HOXA2: variants seen among roughly 807,000 people sequenced by gnomAD.
HOXA2 encodes the protein homeobox A2.
HOXA2 carries 4 observed loss-of-function variants against 27.2 expected under a neutral mutation model. The observed-to-expected ratio is 0.15, with a 90% confidence interval of 0.07 to 0.34. The LOEUF (loss-of-function observed/expected upper bound fraction) is 0.34, where lower values mean the gene tolerates loss of function less well. HOXA2 is among the 10% of genes least tolerant of loss of function. The pLI is 1.00. For missense variants in HOXA2, 430 were observed against 473.2 expected (o/e 0.91, Z 0.85); for synonymous variants, 200 against 202.8 (o/e 0.99, Z 0.12).
rs150696747 is a variant in HOXA2 at position 27,101,051 on chromosome 7, G to A, written c.806C>T (p.Ser269Phe). Residue 269 changes from serine to phenylalanine, a missense_variant, in exon 2 of 2, where the codon TCC becomes TTC. This residue lies in a region of HOXA2 where 236 missense variants were observed against 208.5 expected (regional missense o/e 1.13). Transcript: ENST00000222718. ...TAAAGGCGAGACTGGGAAACTTTGG[G>A]AGTCGCCATTGTGTCCATTGGGAGC... The part of the protein sequence containing the change: ...QQAPNGHNGD[S>F]QSFPVSPLTS... The A allele has an allele frequency of 4.1e-4, 656 of 1,614,080 alleles. No individual in the cohort carries two copies. Among genetic ancestry groups the A allele is most frequent in the Non-Finnish European group, 5.2e-4 (608 of 1,180,048 alleles).
chr7:27,101,599 G>T, intron 1 of HOXA2, 134 bp from the exon 2 acceptor site: 1 of 1,017,234 alleles, frequency 9.8e-7, no homozygotes, highest in Non-Finnish European at 1.5e-6. Flanking sequence ...GGATGCAGTA[G>T]AGCTATTGTG....
chr7:27,101,252 G>T lies in HOXA2; in HGVS notation c.605C>A (p.Thr202Asn), dbSNP rs1783921533. Residue 202 changes from threonine to asparagine, a missense_variant, in exon 2 of 2, where the codon ACC (threonine) becomes AAC (asparagine). By Grantham distance (65) the Thr-to-Asn change is moderately conservative. Around this residue, in one of 4 missense-constraint regions of HOXA2, gnomAD observed 236 missense variants for 208.5 expected, o/e 1.13. Transcript: ENST00000222718. ...QNRRMKHKRQ[T>N]QCKENQNSEG... is the part of the protein sequence containing the mutation. The stretch of plus-strand genomic sequence containing the variant: ...GCTGTTTTGGTTTTCCTTGCACTGG[G>T]TCTGCCTCTTGTGCTTCATCCTCCG... 6.2e-7 allele frequency: 1 copy of T among 1,614,010 alleles called. No homozygotes were observed. Among genetic ancestry groups the T allele is most frequent in the Non-Finnish European group, 8.5e-7 (1 of 1,180,024 alleles).
chr7:27,101,521 G>C, intron 1 of HOXA2, 56 bp from the exon 2 acceptor site: 1 of 1,582,726 alleles, frequency 6.3e-7, no homozygotes, highest in South Asian at 1.1e-5. Flanking sequence ...GGAGGGGTCC[G>C]AGCGGGGTTA....
chr7:27,102,165 G>A lies in HOXA2; in HGVS notation c.336C>T (p.Ala112=), dbSNP rs1185633571. ...CTGCGGCGGTGGCGGCGGCGGCGGC[G>A]GCCGGCAGAAGTGCGGTTTTCTTGG... The part of the protein sequence containing the change: ...KAAKKTALLP[A]AAAAATAAAT... The change falls in exon 1 of 2, where the codon GCC becomes GCT. Residue 112 remains alanine (A), a synonymous_variant. Coordinates refer to ENST00000222718, the MANE Select transcript of HOXA2 (RefSeq NM_006735.4). The surrounding 1 kb of genome is among the most constrained non-coding windows in gnomAD (Gnocchi z 4.6). 1.3e-6 allele frequency: 2 copies of A among 1,573,730 alleles called. No individual in the cohort carries two copies. The highest frequency in any genetic ancestry group is 2.7e-5 in the African/African-American group (2 of 74,272).
rs527452480 is a variant in HOXA2, at chr7:27,102,555, TG to T, written c.-56del. ...AAAGTTCCCTCTTTTGGAGGGGCTT[TG>T]GGGGGGCAAGGCCTAGGAAAAAGGC... On this transcript the variant is annotated 5_prime_UTR_variant, in exon 1 of 2. It removes the in-frame stop codon of an upstream open reading frame in the 5' UTR. Transcript: ENST00000222718. The surrounding 1 kb of genome is among the most constrained non-coding windows in gnomAD (Gnocchi z 4.6). The T allele has an allele frequency of 3.4e-5, 54 of 1,576,666 alleles. No homozygotes were observed. The highest frequency in any genetic ancestry group is 1.8e-4 in the Middle Eastern group (1 of 5,560).
intron 1 of HOXA2, 78 bp from the exon 2 acceptor site, chr7:27,101,543 A>C: frequency 6.7e-7 from 1 of 1,496,846 alleles, no homozygotes; most frequent in Non-Finnish European, 9.2e-7. Context: ...TCCACTGGAG[A>C]ATAAATATAG....
rs751247463 is a variant in HOXA2, at chr7:27,100,685, G to A, written c.*41C>T. 15 of 1,611,808 alleles carry A rather than the reference G, an allele frequency of 9.3e-6. No individual in the cohort carries two copies. The highest frequency in any genetic ancestry group is 1.1e-5 in the Non-Finnish European group (13 of 1,178,528). ...AAGAAGGCAAAACCACCTGGTCAAA[G>A]GAGTTTTTGTTTGGTGATGCTTTGT... On this transcript the variant is annotated 3_prime_UTR_variant, in exon 2 of 2. Coordinates refer to ENST00000222718, the MANE Select transcript of HOXA2 (RefSeq NM_006735.4).
Position 27,102,583 on chromosome 7 carries a change from AGCGC to A in HOXA2, c.-87_-84del. The stretch of plus-strand genomic sequence containing the variant: ...GGGGGCAAGGCCTAGGAAAAAGGCG[AGCGC>A]AGAGGAAAAAAAATCTATCATAGAA... On this transcript the variant is annotated 5_prime_UTR_variant, in exon 1 of 2. The change creates a premature stop within an existing upstream ORF in the 5' untranslated region. Coordinates refer to ENST00000222718, the MANE Select transcript of HOXA2 (RefSeq NM_006735.4). This position sits in a 1 kb window ranked among gnomAD's most constrained non-coding sequence, Gnocchi z 4.6. 7.3e-7 allele frequency: 1 copy of A among 1,367,758 alleles called. No individual in the cohort carries two copies. Among genetic ancestry groups the A allele is most frequent in the Non-Finnish European group, 1.0e-6 (1 of 972,178 alleles). 84.7% of individuals were successfully genotyped at this position (1,367,758 alleles called of 1,614,324 possible).
At position 27,102,106 on chromosome 7, in the gene HOXA2, T is replaced by A; in HGVS notation, c.391+4A>T. 6.2e-7 allele frequency: 1 copy of A among 1,607,098 alleles called. No homozygotes were observed. The highest frequency in any genetic ancestry group is 8.5e-7 in the Non-Finnish European group (1 of 1,177,536). On this transcript the variant is annotated splice_donor_region_variant and intron_variant, in intron 1 of 1. Coordinates refer to ENST00000222718, the MANE Select transcript of HOXA2 (RefSeq NM_006735.4). This position sits in a 1 kb window ranked among gnomAD's most constrained non-coding sequence, Gnocchi z 4.6. ...GAGACCTGGGGCCAAGTCTTTGGAC[T>A]GACCTTTGTGGCTGAGGCAAGCAGG...
Position 27,101,680 on chromosome 7 carries a change from T to A in HOXA2, c.392-215A>T, listed in dbSNP as rs1271880653. ...TCTCTATCGAATTCATGCCTGTGGC[T>A]CCCCCCAACCTCTTCATCCGGGAGC... is the stretch of plus-strand genomic sequence containing the variant. On this transcript the variant is annotated intron_variant, in intron 1 of 1. Transcript: ENST00000222718. 3 of 668,150 alleles carry A rather than the reference T, an allele frequency of 4.5e-6. No individual in the cohort carries two copies. In the East Asian group the frequency reaches 8.1e-5, roughly 18 times the overall value. 41.4% of individuals were successfully genotyped at this position (668,150 alleles called of 1,614,324 possible). A position where few individuals can be genotyped will look rare whatever the true frequency, so the allele number is the denominator to read the frequency against.
Position 27,102,101 on chromosome 7 carries a change from T to C in HOXA2, c.391+9A>G. ...TCCCAGAGACCTGGGGCCAAGTCTT[T>C]GGACTGACCTTTGTGGCTGAGGCAA... On this transcript the variant is annotated intron_variant, in intron 1 of 1. Coordinates refer to ENST00000222718, the MANE Select transcript of HOXA2 (RefSeq NM_006735.4). This position sits in a 1 kb window ranked among gnomAD's most constrained non-coding sequence, Gnocchi z 4.6. 1 of 1,607,366 alleles carries C rather than the reference T, an allele frequency of 6.2e-7. No homozygotes were observed. The highest frequency in any genetic ancestry group is 1.1e-5 in the South Asian group (1 of 89,890).
At position 27,102,149 on chromosome 7, in the gene HOXA2, TGGC is replaced by T. The variant is rs748552806; in HGVS notation, c.349_351del (p.Ala117del). ...CAAGCAGGGCCGGTGGCTGCGGCGGTGGCGGCGGCGGCGGCGGCCGGCAGAAGT... is the reference window on the plus strand; with the variant it reads ...CAAGCAGGGCCGGTGGCTGCGGCGGTGGCGGCGGCGGCGGCCGGCAGAAGT... On this transcript the variant is annotated inframe_deletion, in exon 1 of 2. Coordinates refer to ENST00000222718, the MANE Select transcript of HOXA2 (RefSeq NM_006735.4). This position sits in a 1 kb window ranked among gnomAD's most constrained non-coding sequence, Gnocchi z 4.6. 108 of 1,586,398 alleles carry T rather than the reference TGGC, an allele frequency of 6.8e-5. No homozygotes were observed. Among genetic ancestry groups the T allele is most frequent in the East Asian group, 1.8e-4 (8 of 43,942 alleles).
chr7:27,102,191 C>A lies in HOXA2; in HGVS notation c.310G>T (p.Ala104Ser). ...EYPWMKEKKA[A>S]KKTALLPAAA... ...GCCGGCAGAAGTGCGGTTTTCTTGGCCGCCTTCTTCTCCTTCATCCAGGGG... is the reference window on the plus strand; with the variant it reads ...GCCGGCAGAAGTGCGGTTTTCTTGGACGCCTTCTTCTCCTTCATCCAGGGG... Residue 104 changes from alanine to serine, a missense_variant, in exon 1 of 2, where the codon GCC (alanine) becomes TCC (serine). Around this residue, in one of 4 missense-constraint regions of HOXA2, gnomAD observed 166 missense variants for 207.6 expected, o/e 0.80. Coordinates refer to ENST00000222718, the MANE Select transcript of HOXA2 (RefSeq NM_006735.4). This position sits in a 1 kb window ranked among gnomAD's most constrained non-coding sequence, Gnocchi z 4.6. 6.4e-7 allele frequency: 1 copy of A among 1,553,200 alleles called. No individual in the cohort carries two copies.
intron 1 of HOXA2, chr7:27,101,720 C>A: frequency 1.5e-6 from 1 of 659,006 alleles, no homozygotes; most frequent in South Asian, 1.7e-5. Flanking sequence ...TTTATATTAG[C>A]CACAACACAA....
Position 27,100,721 on chromosome 7 carries a change from T to C in HOXA2, c.*5A>G, listed in dbSNP as rs755604416. 14 of 1,614,068 alleles carry C rather than the reference T, an allele frequency of 8.7e-6. No homozygotes were observed. The highest frequency in any genetic ancestry group is 1.7e-5 in the Admixed American group (1 of 60,018). The stretch of plus-strand genomic sequence containing the variant: ...TTGGTGATGCTTTGTTTTGCTTTAA[T>C]GTTTTTAGTAATTCAGATGCTGCAA... On this transcript the variant is annotated 3_prime_UTR_variant, in exon 2 of 2. Transcript: ENST00000222718.
Position 27,100,851 on chromosome 7 carries a change from G to T in HOXA2, c.1006C>A (p.Leu336Ile), listed in dbSNP as rs149108490. The T allele has an allele frequency of 1.3e-4, 209 of 1,614,258 alleles. 1 individual carries two copies. The African/African-American group carries it at 2.5e-3, about 19-fold the overall frequency. Residue 336 changes from leucine to isoleucine, a missense_variant, in exon 2 of 2, where the codon CTT becomes ATT. By Grantham distance (5) the Leu-to-Ile change is conservative. Around this residue, in one of 4 missense-constraint regions of HOXA2, gnomAD observed 236 missense variants for 208.5 expected, o/e 1.13. Transcript: ENST00000222718. The stretch of plus-strand genomic sequence containing the variant: ...AAACTGGGTGAAACTGCATCTGAAA[G>T]CTGCAGGCAGGAATCTGTGGAGAAA... ...SVFSTDSCLQLSDAVSPSLPG... is the reference protein window; with the variant it reads ...SVFSTDSCLQISDAVSPSLPG...
At position 27,102,260 on chromosome 7, in the gene HOXA2, G is replaced by T. The variant is rs746750068; in HGVS notation, c.241C>A (p.Arg81Ser). ...GRPKPSPAGS[R>S]GSPVPAGALQ... Reference sequence around the variant, plus strand: ...GCGCCGGCGGGCACCGGGCTGCCGCGGCTGCCCGCGGGGCTCGGCTTGGGG... The same window carrying T: ...GCGCCGGCGGGCACCGGGCTGCCGCTGCTGCCCGCGGGGCTCGGCTTGGGG... Residue 81 changes from arginine (R) to serine (S), a missense_variant, in exon 1 of 2, where the codon CGC becomes AGC. Transcript: ENST00000222718. The surrounding 1 kb of genome is among the most constrained non-coding windows in gnomAD (Gnocchi z 4.6). 105 of 1,516,206 alleles carry T rather than the reference G, an allele frequency of 6.9e-5. No individual in the cohort carries two copies. The highest frequency in any genetic ancestry group is 3.0e-4 in the South Asian group (24 of 79,660). 93.9% of individuals were successfully genotyped at this position (1,516,206 alleles called of 1,614,324 possible). A position where few individuals can be genotyped will look rare whatever the true frequency, so the allele number is the denominator to read the frequency against.
In HOXA2 at chr7:27,102,543, T is replaced by C; in HGVS notation, c.-43A>G. On this transcript the variant is annotated 5_prime_UTR_variant, in exon 1 of 2. Transcript: ENST00000222718. This position sits in a 1 kb window ranked among gnomAD's most constrained non-coding sequence, Gnocchi z 4.6. ...CCCCTCAGAGAAAAAGTTCCCTCTTTTGGAGGGGCTTTGGGGGGGCAAGGC... is the reference window on the plus strand; with the variant it reads ...CCCCTCAGAGAAAAAGTTCCCTCTTCTGGAGGGGCTTTGGGGGGGCAAGGC... 5 of 1,601,224 alleles carry C rather than the reference T, an allele frequency of 3.1e-6. No individual in the cohort carries two copies. The highest frequency in any genetic ancestry group is 4.3e-6 in the Non-Finnish European group (5 of 1,173,356).
In HOXA2 at chr7:27,100,740, G is replaced by T; in HGVS notation, c.1117C>A (p.His373Asn). The T allele has an allele frequency of 1.2e-6, 2 of 1,614,190 alleles. No individual in the cohort carries two copies. Among genetic ancestry groups the T allele is most frequent in the East Asian group, 2.2e-5 (1 of 44,892 alleles). ...TDTLTTIDLQ[H>N]LNY is the part of the protein sequence containing the mutation. ...CTTTAATGTTTTTAGTAATTCAGAT[G>T]CTGCAAGTCGATTGTGGTGAGTGTG... The change falls in exon 2 of 2, where the codon CAT becomes AAT. Residue 373 changes from histidine to asparagine, a missense_variant. Coordinates refer to ENST00000222718, the MANE Select transcript of HOXA2 (RefSeq NM_006735.4).
Sources: gnomAD v4.1 joint callset for allele counts on GRCh38, gnomAD v4.1.1 for gene constraint, gnomAD v4.1.1 regional missense constraint, Gnocchi (gnomAD v3.1) non-coding constraint, MANE v1.5 for transcripts, NCBI Gene and HGNC (gene_info 2026-07-23, HGNC 2026-07-21) for gene names.